The following RBFOX1 variants were observed in gnomAD, a reference collection of about 807,000 sequenced individuals.
RBFOX1 encodes RNA binding protein fox-1 homolog 1.
A neutral mutation model predicts 57.7 loss-of-function variants in RBFOX1; 8 were observed. The ratio of observed to expected loss-of-function variants is 0.14; its 90% CI spans 0.08 to 0.25. RBFOX1 has a LOEUF of 0.25. RBFOX1 is among the 10% of genes least tolerant of loss of function. The probability of loss-of-function intolerance (pLI) is 1.00; values close to 1 mark genes in which losing one functional copy is unlikely to be tolerated. For missense variants in RBFOX1, 611 were observed against 548.5 expected (o/e 1.11, Z -1.14); for synonymous variants, 326 against 222.4 (o/e 1.47, Z -4.15).
At chr16:6,792,614 G>C (rs918087312) in intron 3 of RBFOX1, among the ~76,000 whole-genome samples, 1 of 152,190 alleles carries the variant, frequency 6.6e-6, no homozygotes, top group Non-Finnish European at 1.5e-5. Flanking sequence ...GTTGCAAAAA[G>C]CCTTCATGTA....
chr16:6,047,611 A>T (rs1324510607), intron 1 of RBFOX1, among the ~76,000 whole-genome samples: 1 of 152,182 alleles, frequency 6.6e-6, no homozygotes, highest in East Asian at 1.9e-4. Flanking sequence ...GTGAGGGATG[A>T]CTTGCTCACA....
intron 1 of RBFOX1, among the ~76,000 whole-genome samples, chr16:6,266,670 C>T (rs1229482774): frequency 5.3e-5 from 8 of 150,896 alleles, no homozygotes; most frequent in East Asian, 2.0e-4. Flanking sequence ...GCTGAGATCG[C>T]GCCATTGCAC....
At chr16:6,710,303 T>C (rs1409038028) in intron 3 of RBFOX1, among the ~76,000 whole-genome samples, 1 of 152,250 alleles carries the variant, frequency 6.6e-6, no homozygotes, top group Non-Finnish European at 1.5e-5. Flanking sequence ...TATGTACTTT[T>C]AGTTTTTTAA....
At chr16:7,017,057 A>G (rs2093952245) in intron 3 of RBFOX1, among the ~76,000 whole-genome samples, 1 of 151,538 alleles carries the variant, frequency 6.6e-6, no homozygotes, top group African/African-American at 2.4e-5. Flanking sequence ...CTCTTTTTTT[A>G]TTGTTCCATG....
downstream of RBFOX1, among the ~76,000 whole-genome samples, chr16:5,600,317 A>AAAAAAAAATT (rs2047324372): frequency 6.9e-6 from 1 of 145,910 alleles, no homozygotes; most frequent in African/African-American, 2.5e-5. Flanking sequence ...AAAAAAAAAT[A>AAAAAAAAATT]AAAAAAAAAC....
intron 1 of RBFOX1, among the ~76,000 whole-genome samples, chr16:5,339,470 G>GGTTTTTTTTTTTTTTTTTTTTTTTTTT (rs1567354925): frequency 2.4e-5 from 1 of 40,854 alleles, no homozygotes; most frequent in Non-Finnish European, 4.5e-5. Flanking sequence ...CTTTTTCCGT[G>GGTTTTTTTTTTTTTTTTTTTTTTTTTT]TTTTTTTTTT....
chr16:7,057,095 C>T lies in RBFOX1; in HGVS notation c.27+4997C>T, dbSNP rs146953862. On this transcript the variant is annotated intron_variant, in intron 4 of 15. Transcript: ENST00000550418. ...GCTACTGTTAATACAGTGTTATTCC[C>T]AATAATTATTTCACTTCTCTTCCTC... Among the ~76,000 whole-genome samples, 1,004 of 151,814 alleles carry T rather than the reference C, an allele frequency of 6.6e-3. 15 individuals are homozygous for T. Among genetic ancestry groups the T allele is most frequent in the South Asian group, 0.022 (107 of 4,794 alleles).
chr16:7,469,309 G>A (rs773063784), intron 4 of RBFOX1, among the ~76,000 whole-genome samples: 6 of 151,840 alleles, frequency 4.0e-5, no homozygotes, highest in African/African-American at 7.3e-5. Context: ...TGATCTGCCC[G>A]CCTCGGCCTC....
At chr16:5,382,566 T>C (rs568695404) in intron 1 of RBFOX1, among the ~76,000 whole-genome samples, 6 of 152,334 alleles carry the variant, frequency 3.9e-5, no homozygotes, top group African/African-American at 1.2e-4. Context: ...GTCTGTACTT[T>C]CCTTGCTTGC....
At chr16:5,993,390 A>AGT in intron 4 of RBFOX1, among the ~76,000 whole-genome samples, 1 of 132,906 alleles carries the variant, frequency 7.5e-6, no homozygotes, top group Non-Finnish European at 1.7e-5. Flanking sequence ...TGTGTGAGAG[A>AGT]GAGAGAGACA....
chr16:5,277,962 G>A (rs1224223912), intron 1 of RBFOX1, among the ~76,000 whole-genome samples: 1 of 152,084 alleles, frequency 6.6e-6, no homozygotes, highest in Admixed American at 6.6e-5. Context: ...GTAAATATGG[G>A]GGTACGGGTA....
At chr16:6,593,913 C>T (rs2097751020) in intron 2 of RBFOX1, among the ~76,000 whole-genome samples, 1 of 152,162 alleles carries the variant, frequency 6.6e-6, no homozygotes, top group African/African-American at 2.4e-5. Flanking sequence ...TAGCGATTTA[C>T]TGGCATTGTA....
intron 2 of RBFOX1, among the ~76,000 whole-genome samples, chr16:6,522,464 C>T (rs773828387): frequency 2.6e-5 from 4 of 152,058 alleles, no homozygotes; most frequent in Non-Finnish European, 4.4e-5. Flanking sequence ...ATGAAGACAT[C>T]AACTTCAGTC....
chr16:5,825,558 G>A (rs1479999327), intron 3 of RBFOX1, among the ~76,000 whole-genome samples: 2 of 152,074 alleles, frequency 1.3e-5, no homozygotes, highest in Admixed American at 6.6e-5. Context: ...CATTTTTTAT[G>A]GTAAAAACCA....
intron 4 of RBFOX1, among the ~76,000 whole-genome samples, chr16:7,143,855 A>G (rs1600843654): frequency 6.6e-6 from 1 of 151,952 alleles, no homozygotes; most frequent in Non-Finnish European, 1.5e-5. Flanking sequence ...AGCAGGTACT[A>G]TAAGATCCTA....
intron 1 of RBFOX1, among the ~76,000 whole-genome samples, chr16:6,061,654 AAAT>A (rs1442974311): frequency 6.6e-6 from 1 of 152,094 alleles, no homozygotes; most frequent in Non-Finnish European, 1.5e-5. Flanking sequence ...TTAACAATAT[AAAT>A]AAATCTCTAT....
chr16:6,595,947 T>A (rs1198098353), intron 2 of RBFOX1, among the ~76,000 whole-genome samples: 3 of 152,146 alleles, frequency 2.0e-5, no homozygotes, highest in Non-Finnish European at 4.4e-5. Flanking sequence ...GAAACTTTTT[T>A]ATTAAGTTTT....
intron 4 of RBFOX1, among the ~76,000 whole-genome samples, chr16:5,978,006 A>G (rs2152306896): frequency 6.6e-6 from 1 of 151,860 alleles, no homozygotes; most frequent in African/African-American, 2.4e-5. Flanking sequence ...CTCATATGTG[A>G]GCAGCTGTGG....
At chr16:6,700,103 C>G (rs984987761) in intron 3 of RBFOX1, among the ~76,000 whole-genome samples, 1 of 152,068 alleles carries the variant, frequency 6.6e-6, no homozygotes, top group Non-Finnish European at 1.5e-5. Context: ...CCTGAATAAA[C>G]CAGGTGGGTA....
Sources: gnomAD v4.1 joint callset for allele counts (sites outside exome capture counted in the v4.1 genomes callset) on GRCh38, gnomAD v4.1.1 for gene constraint, MANE v1.5 for transcripts, NCBI Gene and HGNC (gene_info 2026-07-23, HGNC 2026-07-21) for gene names.